The following GNG12 variants were observed in gnomAD, a reference collection of about 807,000 sequenced individuals.
GNG12 encodes guanine nucleotide-binding protein G(I)/G(S)/G(O) subunit gamma-12.
For synonymous variants in GNG12, 28 were observed against 29.7 expected, an observed-to-expected ratio of 0.94 and a Z score of 0.19; for missense variants, 69 against 83.8, an observed-to-expected ratio of 0.82 and a Z score of 0.69.
chr1:67,747,751 T>G (rs776981371), intron 2 of GNG12, among the ~76,000 whole-genome samples: 9 of 152,238 alleles, frequency 5.9e-5, no homozygotes, highest in African/African-American at 1.9e-4. Context: ...CTCTAAAGAT[T>G]TGAACTTGTG....
At chr1:67,812,282 T>C (rs1646930675) in intron 1 of GNG12, among the ~76,000 whole-genome samples, 1 of 152,196 alleles carries the variant, frequency 6.6e-6, no homozygotes, top group South Asian at 2.1e-4. Flanking sequence ...CCATAGATTA[T>C]TAAAAAATAA....
chr1:67,828,402 T>C (rs1647022949), intron 1 of GNG12, among the ~76,000 whole-genome samples: 1 of 152,206 alleles, frequency 6.6e-6, no homozygotes, highest in Non-Finnish European at 1.5e-5. Context: ...TCCATCTCCG[T>C]GCAGAGGGCA....
chr1:67,807,097 C>A (rs1248787179), intron 1 of GNG12, among the ~76,000 whole-genome samples: 1 of 152,036 alleles, frequency 6.6e-6, no homozygotes, highest in Non-Finnish European at 1.5e-5. Flanking sequence ...TGCTTTTAGA[C>A]AACAATGAAA....
intron 1 of GNG12, among the ~76,000 whole-genome samples, chr1:67,788,476 G>C (rs1646782479): frequency 6.6e-6 from 1 of 151,574 alleles, no homozygotes; most frequent in Non-Finnish European, 1.5e-5. Flanking sequence ...TGGGACTACA[G>C]GGGCACTTCA....
At chr1:67,808,881 A>C (rs1646907995) in intron 1 of GNG12, among the ~76,000 whole-genome samples, 2 of 152,192 alleles carry the variant, frequency 1.3e-5, no homozygotes, top group Non-Finnish European at 2.9e-5. Flanking sequence ...CTTGACCTAT[A>C]GATTCAGTGC....
At chr1:67,815,494 G>A (rs1432228990) in intron 1 of GNG12, among the ~76,000 whole-genome samples, 13 of 152,124 alleles carry the variant, frequency 8.5e-5, no homozygotes, top group East Asian at 5.8e-4. Context: ...AAGGCCTTGC[G>A]GAGGCTCCTT....
At chr1:67,812,648 G>A (rs1368726885) in intron 1 of GNG12, among the ~76,000 whole-genome samples, 1 of 152,224 alleles carries the variant, frequency 6.6e-6, no homozygotes, top group Non-Finnish European at 1.5e-5. Context: ...CACTTGGTGA[G>A]AATGAGGTAG....
At chr1:67,725,573 C>T (rs575948408) in intron 2 of GNG12, among the ~76,000 whole-genome samples, 1 of 152,220 alleles carries the variant, frequency 6.6e-6, no homozygotes, top group Non-Finnish European at 1.5e-5. Context: ...CAACTTCTGA[C>T]AGTTCTAACT....
At chr1:67,712,931 G>A (rs1024092761) in intron 2 of GNG12, among the ~76,000 whole-genome samples, 2 of 151,322 alleles carry the variant, frequency 1.3e-5, no homozygotes, top group South Asian at 2.1e-4. Flanking sequence ...GTTTTACCAC[G>A]TTGACCAGGC....
intron 2 of GNG12, among the ~76,000 whole-genome samples, chr1:67,775,996 A>G (rs889716745): frequency 1.3e-5 from 2 of 152,156 alleles, no homozygotes; most frequent in Non-Finnish European, 2.9e-5. Context: ...TGGAGAAGCT[A>G]GAGAAGAGCC....
intron 1 of GNG12, among the ~76,000 whole-genome samples, chr1:67,810,980 C>T (rs1189079836): frequency 6.6e-6 from 1 of 152,124 alleles, no homozygotes; most frequent in Non-Finnish European, 1.5e-5. Flanking sequence ...GTTCGACCCC[C>T]TGGACCGGCA....
At chr1:67,723,889 T>C (rs969609945) in intron 2 of GNG12, among the ~76,000 whole-genome samples, 7 of 151,996 alleles carry the variant, frequency 4.6e-5, no homozygotes, top group African/African-American at 1.7e-4. Flanking sequence ...CTTTACGGGG[T>C]AAAAGGAAGT....
At chr1:67,706,335 T>C (rs1031431328) in intron 3 of GNG12, among the ~76,000 whole-genome samples, 2 of 152,198 alleles carry the variant, frequency 1.3e-5, no homozygotes, top group African/African-American at 2.4e-5. Context: ...GAGCCAAAAC[T>C]CTGGAGCCAA....
chr1:67,804,253 C>G (rs1570563331), intron 1 of GNG12, among the ~76,000 whole-genome samples: 1 of 152,180 alleles, frequency 6.6e-6, no homozygotes, highest in Non-Finnish European at 1.5e-5. Context: ...TAATATTATG[C>G]CTTCTTACTT....
intron 2 of GNG12, among the ~76,000 whole-genome samples, chr1:67,743,184 A>G (rs1646491902): frequency 6.6e-6 from 1 of 152,160 alleles, no homozygotes; most frequent in Non-Finnish European, 1.5e-5. Flanking sequence ...TCTGCAGCCT[A>G]GGAGAATAGG....
chr1:67,772,163 C>CA (rs1342431021), intron 2 of GNG12, among the ~76,000 whole-genome samples: 1 of 151,998 alleles, frequency 6.6e-6, no homozygotes, highest in African/African-American at 2.4e-5. Flanking sequence ...CTTTCTCCAA[C>CA]AAAAAAAGTG....
At chr1:67,732,994 C>A (rs574880900) in intron 2 of GNG12, among the ~76,000 whole-genome samples, 1 of 152,174 alleles carries the variant, frequency 6.6e-6, no homozygotes, top group Non-Finnish European at 1.5e-5. Flanking sequence ...GTGGCTTACC[C>A]GAGGGAGGGC....
chr1:67,782,057 ACAGG>A lies in GNG12; in HGVS notation c.-76-4554_-76-4551del, dbSNP rs1646740507. 2.0e-5 allele frequency among the ~76,000 whole-genome samples: 3 copies of A among 152,318 alleles called. No homozygotes were observed. The South Asian group carries it at 6.2e-4, about 32-fold the overall frequency. ...AGAGGCAGCTACTCTATGCAACAGCACAGGTACTATATGGTTTCACTTGCAAATT... is the reference window on the plus strand; with the variant it reads ...AGAGGCAGCTACTCTATGCAACAGCATACTATATGGTTTCACTTGCAAATT... On this transcript the variant is annotated intron_variant, in intron 1 of 3. Transcript: ENST00000370982.
intron 2 of GNG12, among the ~76,000 whole-genome samples, chr1:67,736,899 T>C (rs1201273074): frequency 6.6e-6 from 1 of 152,230 alleles, no homozygotes; most frequent in Non-Finnish European, 1.5e-5. Context: ...TGTGTGTGCC[T>C]GCTAATGTCC....
Sources: gnomAD v4.1 joint callset for allele counts (sites outside exome capture counted in the v4.1 genomes callset) on GRCh38, gnomAD v4.1.1 for gene constraint, MANE v1.5 for transcripts, NCBI Gene and HGNC (gene_info 2026-07-23, HGNC 2026-07-21) for gene names.